The following SLC13A3 variants were observed in gnomAD, a reference collection of about 807,000 sequenced individuals.
SLC13A3 encodes Na(+)/dicarboxylate cotransporter 3.
In SLC13A3, 40 loss-of-function variants were observed where a neutral mutation model predicts 59.0. The observed-to-expected ratio is 0.68, with a 90% CI of 0.53 to 0.88. The LOEUF is 0.88. Among genes scored for constraint, SLC13A3 ranks in the 40% least tolerant of loss-of-function variants. SLC13A3 has a pLI of 0.00. For synonymous variants in SLC13A3, 317 were observed against 330.3 expected (o/e 0.96, Z 0.44); for missense variants, 699 against 783.2 (o/e 0.89, Z 1.28).
chr20:46,638,573 G>A (rs780505920), intron 1 of SLC13A3, among the ~76,000 whole-genome samples: 20 of 152,214 alleles, frequency 1.3e-4, no homozygotes, highest in Non-Finnish European at 2.6e-4. Context: ...GGGCAGGAGT[G>A]CCTTTCTCGT....
chr20:46,612,353 T>C (rs1453381414), intron 2 of SLC13A3, among the ~76,000 whole-genome samples: 3 of 151,994 alleles, frequency 2.0e-5, no homozygotes, highest in Non-Finnish European at 2.9e-5. Context: ...AGGCTGGTCT[T>C]GAACTCCTGG....
chr20:46,639,287 C>T (rs6094407), intron 1 of SLC13A3, among the ~76,000 whole-genome samples: 33,723 of 151,722 alleles, frequency 0.22, 6,279 homozygotes, highest in African/African-American at 0.5. Flanking sequence ...CATGGTGAAA[C>T]CCCGTTTCTA....
chr20:46,679,519 CAGG>C, intron 1 of SLC13A3, among the ~76,000 whole-genome samples: 1 of 151,446 alleles, frequency 6.6e-6, no homozygotes, highest in Non-Finnish European at 1.5e-5. Flanking sequence ...AAGGCTGAGG[CAGG>C]AGAATGGCGT....
intron 10 of SLC13A3, among the ~76,000 whole-genome samples, chr20:46,569,661 A>G (rs1057415728): frequency 6.6e-6 from 1 of 152,224 alleles, no homozygotes; most frequent in African/African-American, 2.4e-5. Flanking sequence ...ATGAAGTCAC[A>G]AGATGCCTGA....
chr20:46,595,281 G>A lies in SLC13A3; in HGVS notation c.794+876C>T, dbSNP rs186911932. Reference sequence around the variant, plus strand: ...ACCAGAGGTTTAGAATAATGGGAGCGGCACGTTGTGCAGTTGGAACATCTT... The same window carrying A: ...ACCAGAGGTTTAGAATAATGGGAGCAGCACGTTGTGCAGTTGGAACATCTT... On this transcript the variant is annotated intron_variant, in intron 5 of 12. Coordinates refer to ENST00000279027, the MANE Select transcript of SLC13A3 (RefSeq NM_022829.6). Among the ~76,000 whole-genome samples the A allele has an allele frequency of 1.2e-4, 18 of 152,236 alleles. No homozygotes were observed. In the East Asian group the frequency reaches 2.1e-3, roughly 18 times the overall value.
chr20:46,680,320 A>C (rs2063148011), intron 1 of SLC13A3, among the ~76,000 whole-genome samples: 1 of 152,196 alleles, frequency 6.6e-6, no homozygotes, highest in Non-Finnish European at 1.5e-5. Flanking sequence ...TGTTCTCTAA[A>C]AATAGTAGCC....
upstream of SLC13A3, among the ~76,000 whole-genome samples, chr20:46,672,612 C>T (rs1313852162): frequency 6.6e-6 from 1 of 152,182 alleles, no homozygotes; most frequent in African/African-American, 2.4e-5. Flanking sequence ...ATTCCCCCTC[C>T]TGATGAACCT....
At chr20:46,638,737 G>C (rs1359291434) in intron 1 of SLC13A3, among the ~76,000 whole-genome samples, 1 of 152,210 alleles carries the variant, frequency 6.6e-6, no homozygotes, top group Non-Finnish European at 1.5e-5. Context: ...ACGTGTCAGA[G>C]AGATCAAAGG....
In SLC13A3 at chr20:46,583,946, G is replaced by A. The variant is rs1226405163; in HGVS notation, c.1122-277C>T. The A allele has an allele frequency of 1.9e-5, 19 of 985,226 alleles. No individual in the cohort carries two copies. In the Admixed American group the frequency reaches 1.2e-3, roughly 61 times the overall value. 61.0% of individuals were successfully genotyped at this position (985,226 alleles called of 1,614,324 possible). ...TACGAAGAGGGACTTGACCAAAGAG[G>A]GGAGAATCCGAGGGCCGCAGAATAT... On this transcript the variant is annotated intron_variant, in intron 8 of 12. Coordinates refer to ENST00000279027, the MANE Select transcript of SLC13A3 (RefSeq NM_022829.6).
chr20:46,608,291 G>T (rs1250071638), intron 3 of SLC13A3, among the ~76,000 whole-genome samples: 1 of 152,180 alleles, frequency 6.6e-6, no homozygotes, highest in Non-Finnish European at 1.5e-5. Flanking sequence ...TTTAATTTCA[G>T]CACCCATAAA....
At chr20:46,636,623 T>A (rs965543440) in intron 1 of SLC13A3, among the ~76,000 whole-genome samples, 4 of 152,088 alleles carry the variant, frequency 2.6e-5, no homozygotes, top group Non-Finnish European at 5.9e-5. Flanking sequence ...CACAGCCCCA[T>A]GAGGCTGGTG....
intron 1 of SLC13A3, among the ~76,000 whole-genome samples, chr20:46,622,187 T>C (rs1014681274): frequency 6.6e-6 from 1 of 152,102 alleles, no homozygotes; most frequent in African/African-American, 2.4e-5. Context: ...AAAGAATAAA[T>C]AGATTGTGAC....
At chr20:46,573,987 G>A (rs1298228192) in intron 10 of SLC13A3, among the ~76,000 whole-genome samples, 2 of 152,206 alleles carry the variant, frequency 1.3e-5, no homozygotes, top group African/African-American at 4.8e-5. Context: ...TTTACAAGGC[G>A]TTCAGGGGTG....
upstream of SLC13A3, among the ~76,000 whole-genome samples, chr20:46,652,349 TGA>T (rs2062957562): frequency 6.6e-6 from 1 of 152,164 alleles, no homozygotes; most frequent in South Asian, 2.1e-4. Context: ...AGGTGCTCAA[TGA>T]GAGTTATTGC....
chr20:46,596,428 T>C, intron 4 of SLC13A3, 86 bp from the exon 5 acceptor site: 1 of 1,239,708 alleles, frequency 8.1e-7, no homozygotes, highest in Non-Finnish European at 1.1e-6. Flanking sequence ...TAAGTGATCT[T>C]TCTAGAAGGT....
In SLC13A3 at chr20:46,599,634, T is replaced by A. The variant is rs1365387241; in HGVS notation, c.608+337A>T. On this transcript the variant is annotated intron_variant, in intron 4 of 12. Coordinates refer to ENST00000279027, the MANE Select transcript of SLC13A3 (RefSeq NM_022829.6). ...TTTTGTCTGTATGGACTGTTAACCC[T>A]GCCTGCAACCCTCTCCTCCTTGACT... 3.9e-5 allele frequency among the ~76,000 whole-genome samples: 6 copies of A among 152,354 alleles called. 1 individual carries two copies. In the South Asian group the frequency reaches 1.2e-3, roughly 32 times the overall value.
At chr20:46,639,051 A>G (rs909383333) in intron 1 of SLC13A3, among the ~76,000 whole-genome samples, 2 of 152,172 alleles carry the variant, frequency 1.3e-5, no homozygotes, top group Non-Finnish European at 2.9e-5. Flanking sequence ...TTAGCTCTCT[A>G]CAAACATCAT....
chr20:46,586,708 C>T (rs1259889313), intron 8 of SLC13A3, among the ~76,000 whole-genome samples: 15 of 152,210 alleles, frequency 9.9e-5, no homozygotes, highest in African/African-American at 2.9e-4. Context: ...CCCAATCCAA[C>T]CCAGCACAAG....
At chr20:46,637,206 G>T (rs988535288) in intron 1 of SLC13A3, among the ~76,000 whole-genome samples, 1 of 152,292 alleles carries the variant, frequency 6.6e-6, no homozygotes, top group African/African-American at 2.4e-5. Flanking sequence ...ACCAGTGAGT[G>T]AAGGGGAAGC....
Sources: allele counts gnomAD v4.1 joint callset (sites outside exome capture counted in the v4.1 genomes callset), GRCh38; gene constraint gnomAD v4.1.1; transcripts MANE v1.5; gene names NCBI Gene and HGNC (gene_info 2026-07-23, HGNC 2026-07-21).